TTC21B: variants seen among roughly 807,000 people sequenced by gnomAD.
TTC21B encodes the protein tetratricopeptide repeat protein 21B.
In TTC21B, 127 loss-of-function variants were observed where a neutral mutation model predicts 175.1. The ratio of observed to expected loss-of-function variants is 0.73; its 90% CI spans 0.63 to 0.84. TTC21B has a LOEUF of 0.84. Among genes scored for constraint, TTC21B ranks in the 40% least tolerant of loss-of-function variants. The pLI is 0.00. For synonymous variants in TTC21B, 524 were observed against 524.5 expected, an observed-to-expected ratio of 1.00 and a Z score of 0.01; for missense variants, 1,561 against 1,558.3, an observed-to-expected ratio of 1.00 and a Z score of -0.03.
At chr2:165,898,606 G>A in intron 22 of TTC21B, 80 bp downstream of exon 22, 2 of 947,072 alleles carry the variant, frequency 2.1e-6, no homozygotes, top group South Asian at 1.3e-5. Flanking sequence ...GTTTGCCCGA[G>A]GGCATAACCA....
In TTC21B at chr2:165,900,020, A is replaced by C. The variant is rs1425327650; in HGVS notation, c.2758-140T>G. Reference sequence around the variant, plus strand: ...CAAGTATAATAGACAAAAAAAAAAAAAAAACAACAGTATGTATACCCATCT... The same window carrying C: ...CAAGTATAATAGACAAAAAAAAAAACAAAACAACAGTATGTATACCCATCT... On this transcript the variant is annotated intron_variant, in intron 20 of 28. Transcript: ENST00000243344. 16 of 669,120 alleles carry C rather than the reference A, an allele frequency of 2.4e-5. 1 individual carries two copies. The highest frequency in any genetic ancestry group is 5.5e-5 in the African/African-American group (3 of 54,458). 41.4% of individuals were successfully genotyped at this position (669,120 alleles called of 1,614,324 possible).
In TTC21B at chr2:165,924,610, T is replaced by A; in HGVS notation, c.1455A>T (p.Val485=). The A allele has an allele frequency of 6.2e-7, 1 of 1,613,842 alleles. No homozygotes were observed. The highest frequency in any genetic ancestry group is 1.7e-4 in the Middle Eastern group (1 of 6,060). The change falls in exon 12 of 29, where the codon GTA becomes GTT. Residue 485 remains valine (V), a synonymous_variant. Transcript: ENST00000243344. The part of the protein sequence containing the change: ...RRCISVLETV[V]RTVPGLLQTV... ...TTTGCAGAAGACCTGGAACAGTTCT[T>A]ACTACAGTCTCCAGGACTGAGATGC...
At chr2:165,922,404 G>C (rs1686444490) in intron 12 of TTC21B, among the ~76,000 whole-genome samples, 1 of 151,664 alleles carries the variant, frequency 6.6e-6, no homozygotes, top group Non-Finnish European at 1.5e-5. Context: ...CCATTAAAAA[G>C]TGGGCAAATG....
chr2:165,888,289 G>T lies in TTC21B; in HGVS notation c.3449C>A (p.Ala1150Glu). ...EQALNTFTEI[A>E]ASEKEHIPAL... The stretch of plus-strand genomic sequence containing the variant: ...AGGAAATCCACTAACCTCAGATGCT[G>T]CTATTTCAGTGAAGGTATTTAATGC... Residue 1150 changes from alanine to glutamate, a missense_variant, in exon 25 of 29, where the codon GCA (alanine) becomes GAA (glutamate). Transcript: ENST00000243344. 6.2e-7 allele frequency: 1 copy of T among 1,612,300 alleles called. No homozygotes were observed. Among genetic ancestry groups the T allele is most frequent in the Non-Finnish European group, 8.5e-7 (1 of 1,178,380 alleles).
chr2:165,906,955 CAAAAAAAAAAA>C (rs1160627145), intron 19 of TTC21B, among the ~76,000 whole-genome samples: 2 of 60,268 alleles, frequency 3.3e-5, no homozygotes, highest in Non-Finnish European at 6.0e-5. Flanking sequence ...AACTCCGTCT[CAAAAAAAAAAA>C]AAAAAAAAAA....
At chr2:165,951,181 C>G (rs149886037) in intron 1 of TTC21B, among the ~76,000 whole-genome samples, 1 of 152,178 alleles carries the variant, frequency 6.6e-6, no homozygotes, top group Non-Finnish European at 1.5e-5. Flanking sequence ...ACTAAGGACA[C>G]GTTTAATACC....
chr2:165,945,755 A>C, intron 3 of TTC21B, 65 bp from the exon 4 acceptor site: 1 of 1,538,880 alleles, frequency 6.5e-7, no homozygotes. Context: ...AATAGGTCAG[A>C]TAATTAACAA....
intron 25 of TTC21B, among the ~76,000 whole-genome samples, chr2:165,885,320 ACT>A (rs757353827): frequency 1.3e-4 from 20 of 152,300 alleles, no homozygotes; most frequent in South Asian, 4.1e-4. Context: ...GTAAGAAATA[ACT>A]CTGGAATAGA....
intron 19 of TTC21B, among the ~76,000 whole-genome samples, chr2:165,906,940 A>G (rs2105312499): frequency 6.9e-6 from 1 of 144,592 alleles, no homozygotes; most frequent in East Asian, 2.0e-4. Flanking sequence ...GGGCAACAAG[A>G]GCAAAACTCC....
In TTC21B at chr2:165,931,742, T is replaced by C. The variant is rs1559067844; in HGVS notation, c.894+16A>G. 1 of 1,598,076 alleles carries C rather than the reference T, an allele frequency of 6.3e-7. No individual in the cohort carries two copies. The highest frequency in any genetic ancestry group is 1.3e-5 in the African/African-American group (1 of 74,692). ...CTATAGATAACAGAGCTCTGGTACATGGTAGGCACTCTCACAGTTCTGCTG... is the reference window on the plus strand; with the variant it reads ...CTATAGATAACAGAGCTCTGGTACACGGTAGGCACTCTCACAGTTCTGCTG... On this transcript the variant is annotated intron_variant, in intron 8 of 28. Transcript: ENST00000243344.
intron 1 of TTC21B, among the ~76,000 whole-genome samples, chr2:165,951,749 C>T (rs1469633369): frequency 7.2e-5 from 11 of 152,216 alleles, no homozygotes; most frequent in Middle Eastern, 3.4e-3. Context: ...GGTTCCTGTC[C>T]CCCCGGAAAA....
Position 165,899,888 on chromosome 2 carries a change from G to A in TTC21B, c.2758-8C>T. On this transcript the variant is annotated splice_region_variant and splice_polypyrimidine_tract_variant and intron_variant, in intron 20 of 28. Coordinates refer to ENST00000243344, the MANE Select transcript of TTC21B (RefSeq NM_024753.5). ...TGCCAGTTCCAACATAATCTGTAGAGCAAAGGGCTAGATTCATCAGACACT... is the reference window on the plus strand; with the variant it reads ...TGCCAGTTCCAACATAATCTGTAGAACAAAGGGCTAGATTCATCAGACACT... The A allele has an allele frequency of 1.3e-6, 2 of 1,547,328 alleles. No individual in the cohort carries two copies. Among genetic ancestry groups the A allele is most frequent in the Non-Finnish European group, 1.8e-6 (2 of 1,120,380 alleles).
chr2:165,893,217 A>C (rs1685253222), intron 22 of TTC21B, among the ~76,000 whole-genome samples: 1 of 152,198 alleles, frequency 6.6e-6, no homozygotes, highest in African/African-American at 2.4e-5. Flanking sequence ...AAAGGCATGA[A>C]AAATATTTAT....
At chr2:165,904,235 C>T (rs1685656192) in intron 19 of TTC21B, among the ~76,000 whole-genome samples, 3 of 152,078 alleles carry the variant, frequency 2.0e-5, no homozygotes, top group South Asian at 4.1e-4. Context: ...TGGCTGGGTG[C>T]AATTCTCTAT....
intron 26 of TTC21B, 54 bp from the exon 27 acceptor site, chr2:165,880,853 A>G: frequency 6.3e-7 from 1 of 1,578,526 alleles, no homozygotes; most frequent in African/African-American, 1.3e-5. Context: ...CTAAGATTTT[A>G]TGGGATGTTT....
chr2:165,876,942 C>T (rs148984627), intron 27 of TTC21B, among the ~76,000 whole-genome samples: 2 of 152,218 alleles, frequency 1.3e-5, no homozygotes, highest in South Asian at 2.1e-4. Flanking sequence ...AGGAGAGCGA[C>T]ACAGAGGAAG....
In TTC21B at chr2:165,917,255, A is replaced by G; in HGVS notation, c.1899+2T>C. 6.2e-7 allele frequency: 1 copy of G among 1,613,542 alleles called. No individual in the cohort carries two copies. The highest frequency in any genetic ancestry group is 8.5e-7 in the Non-Finnish European group (1 of 1,179,496). On this transcript the variant is annotated splice_donor_variant, in intron 14 of 28. Coordinates refer to ENST00000243344, the MANE Select transcript of TTC21B (RefSeq NM_024753.5). LOFTEE classifies it high-confidence loss of function. ...GAGCCCTTAAATTAAAACTTGACCTACCTGCTCTCCATTTAAGCGGTGAAC... is the reference window on the plus strand; with the variant it reads ...GAGCCCTTAAATTAAAACTTGACCTGCCTGCTCTCCATTTAAGCGGTGAAC...
Position 165,949,524 on chromosome 2 carries a change from T to A in TTC21B, c.152-20A>T. Reference sequence around the variant, plus strand: ...TTTTACCTGAAAATCAAGATTATGATATGAAAAACTGTTCTTAGTGCAAAG... The same window carrying A: ...TTTTACCTGAAAATCAAGATTATGAAATGAAAAACTGTTCTTAGTGCAAAG... On this transcript the variant is annotated intron_variant, in intron 2 of 28. Transcript: ENST00000243344. The A allele has an allele frequency of 6.2e-7, 1 of 1,613,454 alleles. No homozygotes were observed. Among genetic ancestry groups the A allele is most frequent in the Non-Finnish European group, 8.5e-7 (1 of 1,179,514 alleles).
At chr2:165,891,198 G>T (rs1352211808) in intron 22 of TTC21B, among the ~76,000 whole-genome samples, 1 of 152,128 alleles carries the variant, frequency 6.6e-6, no homozygotes, top group African/African-American at 2.4e-5. Context: ...GCTGGTCACA[G>T]TGTCTACATA....
Sources: gnomAD v4.1 joint callset for allele counts (sites outside exome capture counted in the v4.1 genomes callset) on GRCh38, gnomAD v4.1.1 for gene constraint, MANE v1.5 for transcripts, NCBI Gene and HGNC (gene_info 2026-07-23, HGNC 2026-07-21) for gene names.